Variants in TESK1 observed in about 807,000 individuals in gnomAD.
TESK1 encodes dual specificity testis-specific protein kinase 1.
In TESK1, 18 loss-of-function variants were observed where a neutral mutation model predicts 59.9. That is an observed-to-expected ratio of 0.30 (90% CI 0.21 to 0.45). The LOEUF is 0.45. Among genes scored for constraint, TESK1 ranks in the 20% least tolerant of loss-of-function variants. The probability of loss-of-function intolerance (pLI) is 1.00; values close to 1 mark genes in which losing one functional copy is unlikely to be tolerated. For synonymous variants in TESK1, 341 were observed against 357.4 expected (o/e 0.95, Z 0.52); for missense variants, 748 against 840.9 (o/e 0.89, Z 1.37).
intron 2 of TESK1, 62 bp from the exon 3 acceptor site, chr9:35,606,175 G>C: frequency 1.9e-6 from 3 of 1,614,160 alleles, no homozygotes; most frequent in Non-Finnish European, 2.5e-6. Context: ...GGGAAAAGTG[G>C]AACTGAGGAG....
intron 2 of TESK1, 22 bp downstream of exon 2, chr9:35,606,127 G>A (rs540230582): frequency 5.0e-6 from 8 of 1,614,140 alleles, no homozygotes; most frequent in South Asian, 3.3e-5. Context: ...CAGTCTCTGG[G>A]CAGCTTGCTG....
Position 35,606,330 on chromosome 9 carries a change from C to G in TESK1, c.390+45C>G, listed in dbSNP as rs1319160563. The G allele has an allele frequency of 3.7e-6, 6 of 1,608,992 alleles. No homozygotes were observed. In the Middle Eastern group the frequency reaches 6.0e-4, roughly 160 times the overall value. On this transcript the variant is annotated intron_variant, in intron 3 of 9. Transcript: ENST00000336395. ...GAGGGATCCCCACCCCCCTTCACCC[C>G]CAAGGATAAAGGGAGTCAACAGGCC...
chr9:35,608,340 T>G, intron 8 of TESK1, 55 bp from the exon 9 acceptor site: 1 of 1,609,818 alleles, frequency 6.2e-7, no homozygotes, highest in South Asian at 1.1e-5. Flanking sequence ...GGGAGGAAAC[T>G]CAGAGACCCT....
chr9:35,609,996 T>A lies in TESK1; in HGVS notation c.*254T>A. ...AACACGTGCAATTATTTAAAAAGATTTCAATAAAACTGCCTGGCTGGCTCC... is the reference window on the plus strand; with the variant it reads ...AACACGTGCAATTATTTAAAAAGATATCAATAAAACTGCCTGGCTGGCTCC... On this transcript the variant is annotated 3_prime_UTR_variant, in exon 10 of 10. Transcript: ENST00000336395. The surrounding 1 kb of genome is among the most constrained non-coding windows in gnomAD (Gnocchi z 6.7). 1 of 455,306 alleles carries A rather than the reference T, an allele frequency of 2.2e-6. No homozygotes were observed. Among genetic ancestry groups the A allele is most frequent in the South Asian group, 4.6e-5 (1 of 21,616 alleles). 28.2% of individuals were successfully genotyped at this position (455,306 alleles called of 1,614,324 possible).
chr9:35,607,918 T>C lies in TESK1; in HGVS notation c.712-10T>C. ...AATTCTTCCCCGACACTATTATCTC[T>C]GACCCCCAGGCTGATGTCTTTGCCT... On this transcript the variant is annotated splice_polypyrimidine_tract_variant and intron_variant, in intron 6 of 9. Coordinates refer to ENST00000336395, the MANE Select transcript of TESK1 (RefSeq NM_006285.3). This position sits in a 1 kb window ranked among gnomAD's most constrained non-coding sequence, Gnocchi z 4.5. 1 of 1,613,654 alleles carries C rather than the reference T, an allele frequency of 6.2e-7. No homozygotes were observed. The highest frequency in any genetic ancestry group is 8.5e-7 in the Non-Finnish European group (1 of 1,179,858).
At chr9:35,608,741 GCAC>G in intron 9 of TESK1, 118 bp from the exon 10 acceptor site, 2 of 1,229,886 alleles carry the variant, frequency 1.6e-6, no homozygotes, top group Non-Finnish European at 2.3e-6. Flanking sequence ...CCTTTCCAAA[GCAC>G]CAGGTGGGAC....
At position 35,609,585 on chromosome 9, in the gene TESK1, C is replaced by T; in HGVS notation, c.1724C>T (p.Pro575Leu). 2 of 1,613,488 alleles carry T rather than the reference C, an allele frequency of 1.2e-6. No homozygotes were observed. The highest frequency in any genetic ancestry group is 1.7e-6 in the Non-Finnish European group (2 of 1,179,938). Residue 575 changes from proline to leucine, a missense_variant, in exon 10 of 10, where the codon CCC becomes CTC. Physicochemically the swap from Pro to Leu is moderately conservative, Grantham distance 98. Around this residue, in one of 3 missense-constraint regions of TESK1, gnomAD observed 447 missense variants for 466.1 expected, o/e 0.96. Transcript: ENST00000336395. The surrounding 1 kb of genome is among the most constrained non-coding windows in gnomAD (Gnocchi z 6.7). ...CCCTGTCCTGGCTGCTGCCTCGGCC[C>T]CTTCAGCTTTGGCTTCCTGTCCATG... Reference protein sequence around the residue: ...GLPCPGCCLGPFSFGFLSMCP... With the variant: ...GLPCPGCCLGLFSFGFLSMCP...
chr9:35,608,384 C>T lies in TESK1; in HGVS notation c.886-11C>T, dbSNP rs535976659. 6.2e-7 allele frequency: 1 copy of T among 1,613,666 alleles called. No individual in the cohort carries two copies. The highest frequency in any genetic ancestry group is 1.3e-5 in the African/African-American group (1 of 75,040). On this transcript the variant is annotated splice_polypyrimidine_tract_variant and intron_variant, in intron 8 of 9. Transcript: ENST00000336395. ...GCACTGAGTGAAGCCGTTCCTGTCT[C>T]TACCCATCAGCTGGAACCCAGCACC...
In TESK1 at chr9:35,609,372, A is replaced by G. The variant is rs1563892735; in HGVS notation, c.1511A>G (p.Gln504Arg). Residue 504 changes from glutamine to arginine, a missense_variant, in exon 10 of 10, where the codon CAA (glutamine) becomes CGA (arginine). Gln to Arg is a conservative substitution (Grantham distance 43). Transcript: ENST00000336395. The surrounding 1 kb of genome is among the most constrained non-coding windows in gnomAD (Gnocchi z 6.7). ...NFISTCSSAS[Q>R]PWSPRSGPVL... The stretch of plus-strand genomic sequence containing the variant: ...ATCAGCACCTGTTCCTCGGCCTCCC[A>G]ACCCTGGTCCCCTAGATCAGGACCC... The G allele has an allele frequency of 1.2e-6, 2 of 1,612,212 alleles. No individual in the cohort carries two copies. Among genetic ancestry groups the G allele is most frequent in the Non-Finnish European group, 8.5e-7 (1 of 1,179,254 alleles).
At position 35,608,018 on chromosome 9, in the gene TESK1, G is replaced by A. The variant is rs1822883242; in HGVS notation, c.795+7G>A. On this transcript the variant is annotated splice_region_variant and intron_variant, in intron 7 of 9. Coordinates refer to ENST00000336395, the MANE Select transcript of TESK1 (RefSeq NM_006285.3). ...CTACCTACCACGCACTGAGGTGAAT[G>A]TTTCTAGGTTTGCAAAGAAAGAATT... 1 of 1,614,024 alleles carries A rather than the reference G, an allele frequency of 6.2e-7. No homozygotes were observed. The highest frequency in any genetic ancestry group is 8.5e-7 in the Non-Finnish European group (1 of 1,179,870).
intron 1 of TESK1, 36 bp from the exon 2 acceptor site, chr9:35,605,948 A>C (rs931991983): frequency 6.2e-6 from 10 of 1,610,876 alleles, no homozygotes; most frequent in Non-Finnish European, 7.6e-6. Flanking sequence ...GACCCGCCCG[A>C]CCTGCCCGGC....
In TESK1 at chr9:35,605,724, G is replaced by A; in HGVS notation, c.105G>A (p.Arg35=). The change falls in exon 1 of 10, where the codon CGG becomes CGA. Residue 35 remains arginine, a synonymous_variant. Coordinates refer to ENST00000336395, the MANE Select transcript of TESK1 (RefSeq NM_006285.3). ...GGGGCACGGGCGGAGGCCCGGGCCG[G>A]GGCCGCCCCTCCTCCTACCGGGCTC... The part of the protein sequence containing the change: ...GPGGTGGGPG[R]GRPSSYRALR... The A allele has an allele frequency of 6.4e-7, 1 of 1,570,094 alleles. No homozygotes were observed. Among genetic ancestry groups the A allele is most frequent in the African/African-American group, 1.4e-5 (1 of 73,418 alleles).
In TESK1 at chr9:35,608,902, G is replaced by C. The variant is rs562064326; in HGVS notation, c.1041G>C (p.Arg347Ser). ...GGGGTCCCTCTGCCACGCTTCCCAGGCCAGATCCCCGGCTTTCCCGAAGCC... is the reference window on the plus strand; with the variant it reads ...GGGGTCCCTCTGCCACGCTTCCCAGCCCAGATCCCCGGCTTTCCCGAAGCC... Reference protein sequence around the residue: ...ARGGPSATLPRPDPRLSRSRS... With the variant: ...ARGGPSATLPSPDPRLSRSRS... Residue 347 changes from arginine (R) to serine (S), a missense_variant, in exon 10 of 10, where the codon AGG (arginine) becomes AGC (serine). Physicochemically the swap from Arg to Ser is moderately radical, Grantham distance 110 (BLOSUM62 -1). Around this residue, in one of 3 missense-constraint regions of TESK1, gnomAD observed 447 missense variants for 466.1 expected, o/e 0.96. Transcript: ENST00000336395. 6.2e-7 allele frequency: 1 copy of C among 1,609,816 alleles called. No individual in the cohort carries two copies. Among genetic ancestry groups the C allele is most frequent in the South Asian group, 1.1e-5 (1 of 90,622 alleles).
In TESK1 at chr9:35,608,491, G is replaced by A. The variant is rs1563892142; in HGVS notation, c.982G>A (p.Ala328Thr). The A allele has an allele frequency of 6.8e-6, 11 of 1,613,920 alleles. No homozygotes were observed. The highest frequency in any genetic ancestry group is 6.7e-5 in the Admixed American group (4 of 59,996). The change falls in exon 9 of 10, where the codon GCC becomes ACC. Residue 328 changes from alanine (A) to threonine (T), a missense_variant. Transcript: ENST00000336395. The part of the protein sequence containing the change: ...LPEPAPLTRT[A>T]LTHNQGSVAR... ...TGAGCCAGCCCCACTCACCAGGACC[G>A]CCCTGACACACAATCAGGGTAAGGG...
rs1822821986 is a variant in TESK1 at position 35,605,467 on chromosome 9, G to C, written c.-153G>C. 4.8e-6 allele frequency: 1 copy of C among 207,750 alleles called. No homozygotes were observed. Among genetic ancestry groups the C allele is most frequent in the Non-Finnish European group, 9.3e-6 (1 of 107,400 alleles). The allele number at this position is 207,750 out of a possible 1,614,324, so 12.9% of individuals were successfully genotyped here. A position where few individuals can be genotyped will look rare whatever the true frequency, so the allele number is the denominator to read the frequency against. ...CCAGCCAGCCGGCGCGGCGGGGGCG[G>C]GTCCAGGATCTTCGGCGGATCTTCC... is the stretch of plus-strand genomic sequence containing the variant. On this transcript the variant is annotated 5_prime_UTR_variant, in exon 1 of 10. Transcript: ENST00000336395.
In TESK1 at chr9:35,609,718, G is replaced by T; in HGVS notation, c.1857G>T (p.Leu619=). The change falls in exon 10 of 10, where the codon CTG becomes CTT. Residue 619 remains leucine, a synonymous_variant. Transcript: ENST00000336395. This position sits in a 1 kb window ranked among gnomAD's most constrained non-coding sequence, Gnocchi z 6.7. The part of the protein sequence containing the change: ...GHHAKPPTPS[L]QLPGARS ...ACGCCAAGCCACCCACACCCAGCCTGCAGCTGCCTGGGGCACGCTCTTAGC... is the reference window on the plus strand; with the variant it reads ...ACGCCAAGCCACCCACACCCAGCCTTCAGCTGCCTGGGGCACGCTCTTAGC... 6.3e-7 allele frequency: 1 copy of T among 1,597,736 alleles called. No homozygotes were observed. The highest frequency in any genetic ancestry group is 8.5e-7 in the Non-Finnish European group (1 of 1,178,490).
Position 35,605,588 on chromosome 9 carries a change from A to T in TESK1, c.-32A>T. ...CTGCCCGGGCCCTGGGGACCCTGCCATGTGAGGCAGGCCCGGGCTGGGGGC... is the reference window on the plus strand; with the variant it reads ...CTGCCCGGGCCCTGGGGACCCTGCCTTGTGAGGCAGGCCCGGGCTGGGGGC... On this transcript the variant is annotated 5_prime_UTR_variant, in exon 1 of 10. The change abolishes an upstream ATG in the 5' untranslated region. Coordinates refer to ENST00000336395, the MANE Select transcript of TESK1 (RefSeq NM_006285.3). 1 of 732,408 alleles carries T rather than the reference A, an allele frequency of 1.4e-6. No homozygotes were observed. The highest frequency in any genetic ancestry group is 1.8e-6 in the Non-Finnish European group (1 of 554,058). 45.4% of individuals were successfully genotyped at this position (732,408 alleles called of 1,614,324 possible). A position where few individuals can be genotyped will look rare whatever the true frequency, so the allele number is the denominator to read the frequency against.
At position 35,607,811 on chromosome 9, in the gene TESK1, C is replaced by A. The variant is rs944204659; in HGVS notation, c.712-117C>A. Reference sequence around the variant, plus strand: ...CCCTTTGCCCCTCACAGGCACCCTTCTAACACATGAAAACTGTCAAGATCC... The same window carrying A: ...CCCTTTGCCCCTCACAGGCACCCTTATAACACATGAAAACTGTCAAGATCC... On this transcript the variant is annotated intron_variant, in intron 6 of 9. Coordinates refer to ENST00000336395, the MANE Select transcript of TESK1 (RefSeq NM_006285.3). This position sits in a 1 kb window ranked among gnomAD's most constrained non-coding sequence, Gnocchi z 4.5. 3.0e-5 allele frequency: 39 copies of A among 1,320,668 alleles called. No homozygotes were observed. The highest frequency in any genetic ancestry group is 4.0e-5 in the Non-Finnish European group (38 of 939,684). The allele number at this position is 1,320,668 out of a possible 1,614,324, so 81.8% of individuals were successfully genotyped here.
chr9:35,607,242 A>G lies in TESK1; in HGVS notation c.538-85A>G, dbSNP rs1822867814. 1 of 1,531,158 alleles carries G rather than the reference A, an allele frequency of 6.5e-7. No individual in the cohort carries two copies. Among genetic ancestry groups the G allele is most frequent in the African/African-American group, 1.4e-5 (1 of 73,316 alleles). 94.8% of individuals were successfully genotyped at this position (1,531,158 alleles called of 1,614,324 possible). A position where few individuals can be genotyped will look rare whatever the true frequency, so the allele number is the denominator to read the frequency against. On this transcript the variant is annotated intron_variant, in intron 4 of 9. Coordinates refer to ENST00000336395, the MANE Select transcript of TESK1 (RefSeq NM_006285.3). The surrounding 1 kb of genome is among the most constrained non-coding windows in gnomAD (Gnocchi z 4.5). ...GCAGAGAGGGTTGGAGTTATGCTGG[A>G]GTGACAGGGCTTTGGGTTATACATT...
Sources: allele counts gnomAD v4.1 joint callset, GRCh38; gene constraint gnomAD v4.1.1; regional missense constraint gnomAD v4.1.1; non-coding constraint Gnocchi (gnomAD v3.1); transcripts MANE v1.5; gene names NCBI Gene and HGNC (gene_info 2026-07-23, HGNC 2026-07-21).